ABAT: variants seen among roughly 807,000 people sequenced by gnomAD.
The protein encoded by ABAT is 4-aminobutyrate aminotransferase.
A neutral mutation model predicts 64.6 loss-of-function variants in ABAT; 45 were observed. The observed-to-expected ratio is 0.70, with a 90% CI of 0.55 to 0.89. The LOEUF (loss-of-function observed/expected upper bound fraction) is 0.89, where lower values mean the gene tolerates loss of function less well. ABAT is among the 40% of genes least tolerant of loss of function. ABAT has a pLI of 0.00. For synonymous variants in ABAT, 297 were observed against 250.5 expected (o/e 1.19, Z -1.75); for missense variants, 633 against 658.4 (o/e 0.96, Z 0.42).
At position 8,756,048 on chromosome 16, in the gene ABAT, CA is replaced by C. The variant is rs59561493; in HGVS notation, c.317-1699del. On this transcript the variant is annotated intron_variant, in intron 5 of 15. Coordinates refer to ENST00000268251, the MANE Select transcript of ABAT (RefSeq NM_020686.6). ...TGGGCAACAGAGCGAGACTCTCTCTCAAAAAAAAAACAAAATTAGCCAGGCA... is the reference window on the plus strand; with the variant it reads ...TGGGCAACAGAGCGAGACTCTCTCTCAAAAAAAAACAAAATTAGCCAGGCA... 9.6e-5 allele frequency among the ~76,000 whole-genome samples: 14 copies of C among 145,344 alleles called. No homozygotes were observed. The South Asian group carries it at 2.4e-3, about 25-fold the overall frequency.
chr16:8,762,797 A>AG (rs760580442), intron 6 of ABAT, among the ~76,000 whole-genome samples: 7 of 152,122 alleles, frequency 4.6e-5, no homozygotes, highest in Non-Finnish European at 1.0e-4. Flanking sequence ...CAGAGCCAGA[A>AG]GGAAATGTTC....
intron 1 of ABAT, among the ~76,000 whole-genome samples, chr16:8,695,805 C>G (rs1567273438): frequency 6.6e-6 from 1 of 152,196 alleles, no homozygotes; most frequent in African/African-American, 2.4e-5. Context: ...GGAAACTGAA[C>G]AGAGTGGTTT....
intron 1 of ABAT, among the ~76,000 whole-genome samples, chr16:8,687,562 G>T (rs1278215760): frequency 1.3e-5 from 2 of 152,186 alleles, no homozygotes; most frequent in African/African-American, 4.8e-5. Context: ...AAGCTGAGCA[G>T]CTTGCTGTTT....
intron 1 of ABAT, among the ~76,000 whole-genome samples, chr16:8,717,460 T>C (rs2058245219): frequency 6.6e-6 from 1 of 152,246 alleles, no homozygotes; most frequent in Non-Finnish European, 1.5e-5. Flanking sequence ...AAGCTTGTGT[T>C]ATATTTCTTT....
intron 3 of ABAT, 52 bp downstream of exon 3, chr16:8,746,150 T>G: frequency 1.4e-6 from 2 of 1,433,222 alleles, no homozygotes; most frequent in Non-Finnish European, 2.0e-6. Context: ...AAAAGGCGCC[T>G]AAGAAGCAAA....
chr16:8,688,734 T>A (rs1160689615), intron 1 of ABAT, among the ~76,000 whole-genome samples: 2 of 152,176 alleles, frequency 1.3e-5, no homozygotes, highest in African/African-American at 4.8e-5. Context: ...ATTACAGGCA[T>A]GAGCCACCAA....
At chr16:8,732,236 T>A (rs1642999630) in intron 1 of ABAT, among the ~76,000 whole-genome samples, 1 of 146,766 alleles carries the variant, frequency 6.8e-6, no homozygotes, top group Admixed American at 6.7e-5. Flanking sequence ...ATTTATTTAT[T>A]TTTTATTGAT....
At chr16:8,713,589 C>T in intron 1 of ABAT, 1 of 280,378 alleles carries the variant, frequency 3.6e-6, no homozygotes, top group Non-Finnish European at 7.3e-6. Context: ...TCCCTCCGTC[C>T]CTCTCCCTTG....
intron 1 of ABAT, among the ~76,000 whole-genome samples, chr16:8,711,810 G>GGATGGATGGATGGATGGATGGATGGATA (rs1555485829): frequency 4.5e-4 from 51 of 112,834 alleles, no homozygotes; most frequent in African/African-American, 1.2e-3. Context: ...ATGGATGGAT[G>GGATGGATGGATGGATGGATGGATGGATA]GATGGATGGA....
At chr16:8,744,384 T>C (rs1308624262) in intron 2 of ABAT, among the ~76,000 whole-genome samples, 13 of 151,940 alleles carry the variant, frequency 8.6e-5, no homozygotes. Context: ...TTTTTTTCTT[T>C]TGAGATGGAG....
intron 1 of ABAT, among the ~76,000 whole-genome samples, chr16:8,729,507 G>C (rs921329152): frequency 6.6e-6 from 1 of 152,058 alleles, no homozygotes; most frequent in African/African-American, 2.4e-5. Context: ...AAAGAGAAGG[G>C]AGTAATGTAC....
intron 12 of ABAT, 102 bp from the exon 13 acceptor site, chr16:8,774,783 CACGAT>C (rs1567316486): frequency 1.5e-4 from 207 of 1,371,238 alleles, no homozygotes; most frequent in Non-Finnish European, 2.1e-4. Context: ...AGAAAACAAG[CACGAT>C]GTGTGTGGAC....
chr16:8,731,167 T>G (rs754904017), intron 1 of ABAT, among the ~76,000 whole-genome samples: 13 of 152,178 alleles, frequency 8.5e-5, no homozygotes, highest in Non-Finnish European at 1.9e-4. Flanking sequence ...TTTACTGTGT[T>G]GGCCATGCTG....
chr16:8,710,953 G>A (rs548034532), intron 1 of ABAT, among the ~76,000 whole-genome samples: 1 of 152,178 alleles, frequency 6.6e-6, no homozygotes, highest in African/African-American at 2.4e-5. Context: ...TCCCATATCA[G>A]TACATAAAGC....
Position 8,678,697 on chromosome 16 carries a change from G to T in ABAT, c.-42+3986G>T, listed in dbSNP as rs148330384. 3.1e-3 allele frequency among the ~76,000 whole-genome samples: 474 copies of T among 152,324 alleles called. 2 individuals are homozygous for T. Among genetic ancestry groups the T allele is most frequent in the African/African-American group, 0.011 (457 of 41,578 alleles). ...ACTTGCACTGACATAACATAAAAAT[G>T]TCCATGGCAGAGCTTGCAACACTGG... is the stretch of plus-strand genomic sequence containing the variant. On this transcript the variant is annotated intron_variant, in intron 1 of 15. Coordinates refer to ENST00000268251, the MANE Select transcript of ABAT (RefSeq NM_020686.6).
intron 1 of ABAT, among the ~76,000 whole-genome samples, chr16:8,702,412 C>A (rs1361905892): frequency 6.6e-6 from 1 of 152,084 alleles, no homozygotes; most frequent in Non-Finnish European, 1.5e-5. Flanking sequence ...ACCACCACGC[C>A]CAGTTAATTT....
In ABAT at chr16:8,781,210, GA is replaced by G. The variant is rs2060428534; in HGVS notation, c.1382-98del. ...AGGATGATGGATGGATGGATGGATG[GA>G]TGGATGAGCGTTGCCAACAGGCATC... On this transcript the variant is annotated intron_variant, in intron 15 of 15. Coordinates refer to ENST00000268251, the MANE Select transcript of ABAT (RefSeq NM_020686.6). This position sits in a 1 kb window ranked among gnomAD's most constrained non-coding sequence, Gnocchi z 4.5. 6.4e-7 allele frequency: 1 copy of G among 1,566,790 alleles called. No individual in the cohort carries two copies. The highest frequency in any genetic ancestry group is 8.8e-7 in the Non-Finnish European group (1 of 1,139,914).
At chr16:8,686,741 C>T (rs2057464743) in intron 1 of ABAT, among the ~76,000 whole-genome samples, 1 of 152,160 alleles carries the variant, frequency 6.6e-6, no homozygotes, top group Non-Finnish European at 1.5e-5. Context: ...TGCATATGCC[C>T]ACTGCTGGCT....
At chr16:8,682,959 C>T (rs2057369817) in intron 1 of ABAT, among the ~76,000 whole-genome samples, 1 of 152,074 alleles carries the variant, frequency 6.6e-6, no homozygotes, top group Admixed American at 6.6e-5. Flanking sequence ...ATCTGTAAAC[C>T]CCACACTCAG....
Sources: allele counts gnomAD v4.1 joint callset (sites outside exome capture counted in the v4.1 genomes callset), GRCh38; gene constraint gnomAD v4.1.1; non-coding constraint Gnocchi (gnomAD v3.1); transcripts MANE v1.5; gene names NCBI Gene and HGNC (gene_info 2026-07-23, HGNC 2026-07-21).